Variants in ZNF438 observed in about 807,000 individuals in gnomAD.
ZNF438 encodes the protein zinc finger protein 438.
In ZNF438, 25 loss-of-function variants were observed where a neutral mutation model predicts 38.0. The observed-to-expected ratio is 0.66, with a 90% CI of 0.48 to 0.92. The LOEUF is 0.92. ZNF438 is among the 40% of genes least tolerant of loss of function. The pLI is 0.00. For synonymous variants in ZNF438, 372 were observed against 364.1 expected (o/e 1.02, Z -0.25); for missense variants, 1,007 against 999.6 (o/e 1.01, Z -0.10).
At chr10:30,845,205 G>A (rs764516867) in exon 6 of ZNF438, 2 of 1,614,184 alleles carry the variant, frequency 1.2e-6, no homozygotes, top group African/African-American at 2.7e-5. Flanking sequence ...GTTGGTTCCT[G>A]ACTGGGGTCC....
chr10:30,910,875 G>C (rs115804242), intron 2 of ZNF438, among the ~76,000 whole-genome samples: 1 of 151,686 alleles, frequency 6.6e-6, no homozygotes, highest in Non-Finnish European at 1.5e-5. Context: ...ATGAAAAATC[G>C]AAACTAAAAT....
chr10:30,912,265 C>G (rs531638516), intron 2 of ZNF438, among the ~76,000 whole-genome samples: 2 of 152,252 alleles, frequency 1.3e-5, no homozygotes, highest in South Asian at 2.1e-4. Flanking sequence ...ACCCTTCTGT[C>G]AAAGTTGTCC....
At chr10:30,871,929 C>T (rs1367002082) in intron 4 of ZNF438, among the ~76,000 whole-genome samples, 2 of 152,174 alleles carry the variant, frequency 1.3e-5, no homozygotes, top group Non-Finnish European at 2.9e-5. Flanking sequence ...CGACTTCTTA[C>T]TTTTATGAAA....
chr10:30,877,651 CA>C (rs1210691469), intron 3 of ZNF438, among the ~76,000 whole-genome samples: 1 of 152,126 alleles, frequency 6.6e-6, no homozygotes, highest in Non-Finnish European at 1.5e-5. Flanking sequence ...TATAAATTTA[CA>C]GTGTGTTTGG....
chr10:30,875,446 G>A (rs1346315293), intron 4 of ZNF438: 1 of 979,578 alleles, frequency 1.0e-6, no homozygotes, highest in Non-Finnish European at 1.2e-6. Flanking sequence ...GGCAGGTATG[G>A]AATGGAGTCC....
chr10:31,012,345 G>T (rs934958300), intron 1 of ZNF438, among the ~76,000 whole-genome samples: 10 of 151,816 alleles, frequency 6.6e-5, no homozygotes, highest in African/African-American at 2.4e-4. Flanking sequence ...GGATGGTCTC[G>T]ATCTCCTGAC....
chr10:30,990,955 CTGGAAAAA>C, intron 1 of ZNF438, among the ~76,000 whole-genome samples: 1 of 150,872 alleles, frequency 6.6e-6, no homozygotes, highest in South Asian at 2.1e-4. Flanking sequence ...AACAATTTAA[CTGGAAAAA>C]AAATTGTTTA....
intron 1 of ZNF438, among the ~76,000 whole-genome samples, chr10:31,007,504 T>C (rs1472385149): frequency 1.3e-5 from 2 of 152,076 alleles, no homozygotes; most frequent in Non-Finnish European, 2.9e-5. Flanking sequence ...CTGGTCTCCA[T>C]CTCCTGACCT....
chr10:30,845,492 A>G (rs781334973), exon 6 of ZNF438: 2 of 1,614,034 alleles, frequency 1.2e-6, no homozygotes, highest in African/African-American at 2.7e-5. Flanking sequence ...CAGTAATCTG[A>G]CAACGACCAC....
rs186938696 is a variant in ZNF438, at chr10:30,969,049, C to T, written c.-191-27398G>A. On this transcript the variant is annotated intron_variant, in intron 1 of 5. Transcript: ENST00000413025. ...AAAAAGTGGCATTTCCAATGTGACA[C>T]ATTTAAAATATGGAATGGAATTTCA... Among the ~76,000 whole-genome samples, 372 of 151,784 alleles carry T rather than the reference C, an allele frequency of 2.5e-3. 1 individual carries two copies. The highest frequency in any genetic ancestry group is 8.4e-3 in the African/African-American group (348 of 41,376).
At position 30,872,425 on chromosome 10, in the gene ZNF438, CAAAAAAAAAAAAAAAAAAAAAAAAA is replaced by C. The variant is rs566401687; in HGVS notation, c.37+4548_37+4572del. 3.6e-3 allele frequency among the ~76,000 whole-genome samples: 214 copies of C among 58,698 alleles called. 6 individuals are homozygous for C. Among genetic ancestry groups the C allele is most frequent in the African/African-American group, 0.012 (204 of 16,726 alleles). The allele number at this position is 58,698 out of a possible 152,430, so 38.5% of individuals were successfully genotyped here. A position where few individuals can be genotyped will look rare whatever the true frequency, so the allele number is the denominator to read the frequency against. ...TGGGTGACAGAACAAGACTCTGTCT[CAAAAAAAAAAAAAAAAAAAAAAAAA>C]AAAAAAAAAAAAAAAAGAGGTCAGG... On this transcript the variant is annotated intron_variant, in intron 4 of 5. Transcript: ENST00000413025.
intron 4 of ZNF438, chr10:30,875,516 T>C (rs1018472403): frequency 4.1e-6 from 4 of 985,154 alleles, no homozygotes; most frequent in Admixed American, 6.2e-5. Flanking sequence ...CTTGCTTGGA[T>C]AAAAAAAGGT....
intron 4 of ZNF438, chr10:30,857,694 T>C (rs1215889754): frequency 1.3e-6 from 2 of 1,504,530 alleles, no homozygotes; most frequent in African/African-American, 2.8e-5. Context: ...CATAGGACTC[T>C]GAGAAATCCA....
At chr10:31,015,542 G>A (rs2056125751) in intron 1 of ZNF438, among the ~76,000 whole-genome samples, 1 of 152,136 alleles carries the variant, frequency 6.6e-6, no homozygotes, top group Non-Finnish European at 1.5e-5. Context: ...TACTCAGGAG[G>A]CTGAGACAGG....
Position 30,973,577 on chromosome 10 carries a change from T to G in ZNF438, c.-191-31926A>C, listed in dbSNP as rs79651777. Among the ~76,000 whole-genome samples the G allele has an allele frequency of 4.9e-3, 744 of 152,350 alleles. 10 individuals are homozygous for G. Among genetic ancestry groups the G allele is most frequent in the African/African-American group, 0.017 (694 of 41,578 alleles). ...ATTTATTCAATTCATGATACGTGTT[T>G]ACTAAAACAAAACACATTTCTGAAA... is the stretch of plus-strand genomic sequence containing the variant. On this transcript the variant is annotated intron_variant, in intron 1 of 5. Transcript: ENST00000413025.
intron 2 of ZNF438, among the ~76,000 whole-genome samples, chr10:30,916,059 AAC>A (rs2043595960): frequency 1.3e-5 from 2 of 152,002 alleles, no homozygotes; most frequent in Non-Finnish European, 2.9e-5. Flanking sequence ...ACTTCTGAGA[AAC>A]AGTCTCAGAA....
intron 1 of ZNF438, among the ~76,000 whole-genome samples, chr10:31,003,300 G>A (rs892699840): frequency 6.6e-6 from 1 of 152,100 alleles, no homozygotes; most frequent in Non-Finnish European, 1.5e-5. Flanking sequence ...TATCTACCCT[G>A]CCACCCAGTA....
chr10:30,982,260 C>T (rs1398899471), intron 1 of ZNF438, among the ~76,000 whole-genome samples: 3 of 151,922 alleles, frequency 2.0e-5, no homozygotes, highest in Non-Finnish European at 4.4e-5. Context: ...TGCCACCACG[C>T]CTGGCTAATT....
chr10:30,908,294 T>C (rs146004156), intron 3 of ZNF438, among the ~76,000 whole-genome samples: 7 of 152,238 alleles, frequency 4.6e-5, no homozygotes, highest in Non-Finnish European at 1.0e-4. Flanking sequence ...TATGTCCTAA[T>C]AATCTATCCT....
Sources: allele counts gnomAD v4.1 joint callset (sites outside exome capture counted in the v4.1 genomes callset), GRCh38; gene constraint gnomAD v4.1.1; transcripts MANE v1.5; gene names NCBI Gene and HGNC (gene_info 2026-07-23, HGNC 2026-07-21).